GRK3: variants seen among roughly 807,000 people sequenced by gnomAD.
GRK3 encodes the protein adrenergic, beta, receptor kinase 2.
In GRK3, 54 loss-of-function variants were observed where a neutral mutation model predicts 95.7. The ratio of observed to expected loss-of-function variants is 0.56; its 90% CI spans 0.45 to 0.71. GRK3 has a LOEUF of 0.71. Among genes scored for constraint, GRK3 ranks in the 30% least tolerant of loss-of-function variants. GRK3 has a pLI of 0.00. For synonymous variants in GRK3, 281 were observed against 290.8 expected, an observed-to-expected ratio of 0.97 and a Z score of 0.34; for missense variants, 649 against 851.2, an observed-to-expected ratio of 0.76 and a Z score of 2.96.
chr22:25,587,670 C>G (rs1298641679), intron 1 of GRK3, among the ~76,000 whole-genome samples: 1 of 152,142 alleles, frequency 6.6e-6, no homozygotes, highest in Non-Finnish European at 1.5e-5. Flanking sequence ...TTGAATTGCA[C>G]TCCCATAATT....
rs139223932 is a variant in GRK3, at chr22:25,688,879, C to T, written c.957+1212C>T. Among the ~76,000 whole-genome samples the T allele has an allele frequency of 2.2e-3, 335 of 152,330 alleles. 3 individuals are homozygous for T. The Middle Eastern group carries it at 0.037, about 17-fold the overall frequency. On this transcript the variant is annotated intron_variant, in intron 11 of 20. Coordinates refer to ENST00000324198, the MANE Select transcript of GRK3 (RefSeq NM_005160.4). ...AATTGTAATAAGAAAAATGATGGGA[C>T]TGACAATTTGCCAATAGGCGAGAAG...
At chr22:25,609,817 T>C (rs1337112901) in intron 2 of GRK3, among the ~76,000 whole-genome samples, 1 of 151,764 alleles carries the variant, frequency 6.6e-6, no homozygotes. Context: ...GTGTCTGATA[T>C]ATAGACACAA....
intron 6 of GRK3, 135 bp downstream of exon 6, chr22:25,667,935 C>A: frequency 1.7e-6 from 1 of 588,206 alleles, no homozygotes. Context: ...ATGTGCCAGG[C>A]TTTGTGTTAA....
At chr22:25,691,065 A>G (rs2085161329) in intron 12 of GRK3, among the ~76,000 whole-genome samples, 2 of 152,196 alleles carry the variant, frequency 1.3e-5, no homozygotes, top group Admixed American at 1.3e-4. Context: ...CAGCAGGACT[A>G]GGGCAGTTCC....
chr22:25,570,385 T>A (rs1476068785), intron 1 of GRK3, among the ~76,000 whole-genome samples: 2 of 152,240 alleles, frequency 1.3e-5, no homozygotes, highest in Non-Finnish European at 2.9e-5. Flanking sequence ...CCCTGTCTCC[T>A]TTTTATTTAA....
intron 9 of GRK3, among the ~76,000 whole-genome samples, chr22:25,681,422 G>C (rs1007969836): frequency 2.6e-5 from 4 of 152,056 alleles, no homozygotes; most frequent in African/African-American, 9.7e-5. Flanking sequence ...TACCTGGAGA[G>C]GAGCCAGTGC....
At chr22:25,593,697 T>C (rs1306198908) in intron 1 of GRK3, among the ~76,000 whole-genome samples, 1 of 152,202 alleles carries the variant, frequency 6.6e-6, no homozygotes, top group Non-Finnish European at 1.5e-5. Flanking sequence ...CACTTTAGAT[T>C]AATTGGGCCC....
chr22:25,635,094 A>G (rs374306925), intron 2 of GRK3, among the ~76,000 whole-genome samples: 43 of 152,312 alleles, frequency 2.8e-4, no homozygotes, highest in African/African-American at 9.4e-4. Flanking sequence ...ATAAATTCAT[A>G]AACTTCCTTA....
Position 25,714,511 on chromosome 22 carries a change from A to G in GRK3, c.1595A>G (p.Asp532Gly), listed in dbSNP as rs760374401. 1 of 1,613,758 alleles carries G rather than the reference A, an allele frequency of 6.2e-7. No homozygotes were observed. Among genetic ancestry groups the G allele is most frequent in the Non-Finnish European group, 8.5e-7 (1 of 1,179,832 alleles). ...ACAGTTTATGAAGCAGTAAATGCAG[A>G]CACAGATAAAATCGAGGCCAGGAAG... is the stretch of plus-strand genomic sequence containing the variant. ...TETVYEAVNA[D>G]TDKIEARKRA... The change falls in exon 18 of 21, where the codon GAC becomes GGC. Residue 532 changes from aspartate to glycine, a missense_variant. Coordinates refer to ENST00000324198, the MANE Select transcript of GRK3 (RefSeq NM_005160.4).
chr22:25,720,896 C>A (rs1213597873), intron 19 of GRK3, among the ~76,000 whole-genome samples: 1 of 152,216 alleles, frequency 6.6e-6, no homozygotes, highest in East Asian at 1.9e-4. Context: ...TGCCTTAAAA[C>A]TGAACCACAC....
chr22:25,626,600 TTTAA>T (rs1474206462), intron 2 of GRK3, among the ~76,000 whole-genome samples: 3 of 152,242 alleles, frequency 2.0e-5, no homozygotes, highest in African/African-American at 4.8e-5. Context: ...ACCTCTGTTA[TTTAA>T]TTGACAAATT....
At chr22:25,703,110 C>A (rs537976269) in intron 13 of GRK3, 4 of 286,586 alleles carry the variant, frequency 1.4e-5, no homozygotes, top group Admixed American at 4.8e-5. Context: ...GTTTGAGGGA[C>A]CAATATCCAT....
chr22:25,706,418 G>A (rs1417255436), intron 15 of GRK3, among the ~76,000 whole-genome samples: 5 of 152,196 alleles, frequency 3.3e-5, no homozygotes. Context: ...CAGGGCAGTA[G>A]CTCTGCCCTG....
chr22:25,706,163 T>G (rs991196320), intron 15 of GRK3, among the ~76,000 whole-genome samples: 1 of 152,232 alleles, frequency 6.6e-6, no homozygotes, highest in African/African-American at 2.4e-5. Flanking sequence ...TTTTCAACCC[T>G]TTCGTTGATT....
At chr22:25,623,325 C>G (rs1204013471) in intron 2 of GRK3, among the ~76,000 whole-genome samples, 1 of 152,220 alleles carries the variant, frequency 6.6e-6, no homozygotes, top group Non-Finnish European at 1.5e-5. Context: ...CAGAGTGATG[C>G]GGCTACGATG....
intron 15 of GRK3, 133 bp downstream of exon 15, chr22:25,704,342 A>C: frequency 1.6e-6 from 1 of 634,474 alleles, no homozygotes; most frequent in Non-Finnish European, 2.8e-6. Flanking sequence ...AAAATAAATC[A>C]CATGGGAAAT....
At chr22:25,695,073 GCT>G (rs1321149210) in intron 12 of GRK3, 32 bp from the exon 13 acceptor site, 1 of 1,516,416 alleles carries the variant, frequency 6.6e-7, no homozygotes, top group South Asian at 1.1e-5. Flanking sequence ...AAGTGGGCAT[GCT>G]CTGATAACTG....
At chr22:25,569,300 A>G (rs545423105) in intron 1 of GRK3, among the ~76,000 whole-genome samples, 22 of 152,338 alleles carry the variant, frequency 1.4e-4, no homozygotes, top group Middle Eastern at 3.4e-3. Context: ...CCTTTCAGTT[A>G]TTATCTCATT....
chr22:25,693,372 A>T (rs1011283360), intron 12 of GRK3, among the ~76,000 whole-genome samples: 2 of 152,108 alleles, frequency 1.3e-5, no homozygotes, highest in South Asian at 4.1e-4. Flanking sequence ...TATCTTATTT[A>T]TCCTGTAGAT....
Sources: allele counts gnomAD v4.1 joint callset (sites outside exome capture counted in the v4.1 genomes callset), GRCh38; gene constraint gnomAD v4.1.1; transcripts MANE v1.5; gene names NCBI Gene and HGNC (gene_info 2026-07-23, HGNC 2026-07-21).